Variants in GALNT5 observed in about 807,000 individuals in gnomAD.
GALNT5 encodes polypeptide N-acetylgalactosaminyltransferase 5, also known as UDP-GalNAc:polypeptide N-acetylgalactosaminyltransferase 5.
In GALNT5, 72 loss-of-function variants were observed where a neutral mutation model predicts 85.4. The ratio of observed to expected loss-of-function variants is 0.84; its 90% CI spans 0.70 to 1.03. The LOEUF (loss-of-function observed/expected upper bound fraction) is 1.03. Ranked by LOEUF, GALNT5 falls within the 50% of genes least tolerant of loss-of-function variation. The pLI is 0.00. For missense variants in GALNT5, 1,137 were observed against 1,135.5 expected (o/e 1.00, Z -0.02); for synonymous variants, 404 against 397.0 (o/e 1.02, Z -0.21).
At position 157,295,645 on chromosome 2, in the gene GALNT5, G is replaced by C; in HGVS notation, c.1742-18G>C. Reference sequence around the variant, plus strand: ...ATATCGTATTTTCTAAGTTTTTTGTGTGTGTTTGGCCCTCTAGGTGATGTG... The same window carrying C: ...ATATCGTATTTTCTAAGTTTTTTGTCTGTGTTTGGCCCTCTAGGTGATGTG... On this transcript the variant is annotated intron_variant, in intron 3 of 9. Transcript: ENST00000259056. 2 of 1,603,502 alleles carry C rather than the reference G, an allele frequency of 1.2e-6. No homozygotes were observed. Among genetic ancestry groups the C allele is most frequent in the Non-Finnish European group, 1.7e-6 (2 of 1,174,974 alleles).
intron 1 of GALNT5, among the ~76,000 whole-genome samples, chr2:157,261,455 C>T (rs1682338027): frequency 6.6e-6 from 1 of 152,142 alleles, no homozygotes; most frequent in African/African-American, 2.4e-5. Context: ...GAGGTTGTCC[C>T]AACTGTAGGA....
In GALNT5 at chr2:157,288,892, G is replaced by A. The variant is rs998206044; in HGVS notation, c.1741+2758G>A. Among the ~76,000 whole-genome samples the A allele has an allele frequency of 3.3e-5, 5 of 152,086 alleles. No individual in the cohort carries two copies. In the South Asian group the frequency reaches 6.2e-4, roughly 19 times the overall value. On this transcript the variant is annotated intron_variant, in intron 3 of 9. Coordinates refer to ENST00000259056, the MANE Select transcript of GALNT5 (RefSeq NM_014568.3). ...TCATCATAGATTGTGCACATGGAAC[G>A]TATAGGACTTGCCGTCAGATAAGAT...
rs201627774 is a variant in GALNT5 at position 157,311,380 on chromosome 2, A to G, written c.*32A>G. On this transcript the variant is annotated 3_prime_UTR_variant, in exon 10 of 10. Coordinates refer to ENST00000259056, the MANE Select transcript of GALNT5 (RefSeq NM_014568.3). Reference sequence around the variant, plus strand: ...ACTGATGTTTTTATATAGTAAACCCATTAAATACTGTGAAAATAACACTGA... The same window carrying G: ...ACTGATGTTTTTATATAGTAAACCCGTTAAATACTGTGAAAATAACACTGA... 2.0e-5 allele frequency: 27 copies of G among 1,381,382 alleles called. No individual in the cohort carries two copies. Among genetic ancestry groups the G allele is most frequent in the African/African-American group, 4.5e-5 (3 of 67,300 alleles). The allele number at this position is 1,381,382 out of a possible 1,614,324, so 85.6% of individuals were successfully genotyped here. A position where few individuals can be genotyped will look rare whatever the true frequency, so the allele number is the denominator to read the frequency against.
At chr2:157,283,674 G>A (rs1026591015) in intron 1 of GALNT5, among the ~76,000 whole-genome samples, 1 of 148,600 alleles carries the variant, frequency 6.7e-6, no homozygotes, top group African/African-American at 2.6e-5. Flanking sequence ...CAGTTGGAAA[G>A]GCAATCATAA....
Position 157,299,581 on chromosome 2 carries a change from T to G in GALNT5, c.2031T>G (p.Ile677Met). ...CPVMAGGLFSIDKSYFFELGT... is the reference protein window; with the variant it reads ...CPVMAGGLFSMDKSYFFELGT... ...TCATGGCTGGTGGATTGTTTTCTAT[T>G]GACAAAAGTTACTTTTTTGAACTTG... The change falls in exon 6 of 10, where the codon ATT becomes ATG. Residue 677 changes from isoleucine to methionine, a missense_variant. By Grantham distance (10) the Ile-to-Met change is conservative. Coordinates refer to ENST00000259056, the MANE Select transcript of GALNT5 (RefSeq NM_014568.3). The G allele has an allele frequency of 6.2e-7, 1 of 1,613,154 alleles. No homozygotes were observed. Among genetic ancestry groups the G allele is most frequent in the Non-Finnish European group, 8.5e-7 (1 of 1,179,184 alleles).
intron 7 of GALNT5, among the ~76,000 whole-genome samples, chr2:157,303,382 C>G (rs1473284215): frequency 6.6e-6 from 1 of 152,088 alleles, no homozygotes; most frequent in African/African-American, 2.4e-5. Flanking sequence ...TGGATTAAAC[C>G]GCTGGCAAAT....
At position 157,311,026 on chromosome 2, in the gene GALNT5, T is replaced by C. The variant is rs144326953; in HGVS notation, c.2683-182T>C. Among the ~76,000 whole-genome samples the C allele has an allele frequency of 8.3e-4, 127 of 152,332 alleles. 2 individuals carry two copies. The East Asian group carries it at 0.024, about 28-fold the overall frequency. On this transcript the variant is annotated intron_variant, in intron 9 of 9. Transcript: ENST00000259056. ...CTTGGTGGAGGATGATTACTTAGTCTGAGACAGAGACAAATTTAATACTTT... is the reference window on the plus strand; with the variant it reads ...CTTGGTGGAGGATGATTACTTAGTCCGAGACAGAGACAAATTTAATACTTT...
chr2:157,285,475 T>C (rs1203793892), intron 2 of GALNT5, among the ~76,000 whole-genome samples: 1 of 152,182 alleles, frequency 6.6e-6, no homozygotes. Context: ...CAGAAATGAC[T>C]GTAAGTCACA....
Position 157,317,922 on chromosome 2 carries a change from T to C in GALNT5, c.*6574T>C, listed in dbSNP as rs1371572210. Among the ~76,000 whole-genome samples, 3 of 152,154 alleles carry C rather than the reference T, an allele frequency of 2.0e-5. No individual in the cohort carries two copies. The highest frequency in any genetic ancestry group is 7.2e-5 in the African/African-American group (3 of 41,460). Reference sequence around the variant, plus strand: ...CATTGTCTTTAAACAATACTGAGTTTTGAAGTTAAGTAGAATATTGTAGGG... The same window carrying C: ...CATTGTCTTTAAACAATACTGAGTTCTGAAGTTAAGTAGAATATTGTAGGG... On this transcript the variant is annotated 3_prime_UTR_variant, in exon 10 of 10. Transcript: ENST00000259056.
Position 157,259,200 on chromosome 2 carries a change from C to G in GALNT5, c.1118C>G (p.Pro373Arg), listed in dbSNP as rs1410658300. The G allele has an allele frequency of 6.4e-7, 1 of 1,569,734 alleles. No homozygotes were observed. ...RSEMSSSSLA[P>R]HRVPLSQTNH... ...GAGATGTCTTCCTCTTCACTTGCTC[C>G]ACATAGAGTGCCACTGTCCCAAACT... Residue 373 changes from proline to arginine, a missense_variant, in exon 1 of 10, where the codon CCA becomes CGA. Pro to Arg is a moderately radical substitution (Grantham distance 103, BLOSUM62 -2). Coordinates refer to ENST00000259056, the MANE Select transcript of GALNT5 (RefSeq NM_014568.3).
chr2:157,269,572 T>C (rs183352103), intron 1 of GALNT5, among the ~76,000 whole-genome samples: 4 of 152,202 alleles, frequency 2.6e-5, no homozygotes, highest in African/African-American at 7.2e-5. Flanking sequence ...GAATCTCTCA[T>C]GATCTGCCCA....
intron 3 of GALNT5, among the ~76,000 whole-genome samples, chr2:157,291,612 AAC>A (rs1384908546): frequency 6.7e-6 from 1 of 150,270 alleles, no homozygotes; most frequent in Non-Finnish European, 1.5e-5. Flanking sequence ...TGGCACATTG[AAC>A]AGTTTTATGT....
In GALNT5 at chr2:157,259,631, T is replaced by C. The variant is rs1315609654; in HGVS notation, c.1454+95T>C. On this transcript the variant is annotated intron_variant, in intron 1 of 9. Coordinates refer to ENST00000259056, the MANE Select transcript of GALNT5 (RefSeq NM_014568.3). ...CTAGATAATTCTGTGTGATTTTTGGTCACCTAGAGAATTAAAGAAACATTA... is the reference window on the plus strand; with the variant it reads ...CTAGATAATTCTGTGTGATTTTTGGCCACCTAGAGAATTAAAGAAACATTA... 3 of 896,736 alleles carry C rather than the reference T, an allele frequency of 3.3e-6. No individual in the cohort carries two copies. In the African/African-American group the frequency reaches 5.2e-5, roughly 15 times the overall value. 55.5% of individuals were successfully genotyped at this position (896,736 alleles called of 1,614,324 possible).
intron 2 of GALNT5, 66 bp from the exon 3 acceptor site, chr2:157,285,949 C>T (rs1682959988): frequency 8.6e-7 from 1 of 1,168,672 alleles, no homozygotes; most frequent in South Asian, 1.4e-5. Context: ...CTTTGGGGAG[C>T]ACTTCTGATA....
At chr2:157,287,800 C>A (rs1319973533) in intron 3 of GALNT5, among the ~76,000 whole-genome samples, 3 of 152,176 alleles carry the variant, frequency 2.0e-5, no homozygotes, top group Non-Finnish European at 4.4e-5. Context: ...CATGTTCATA[C>A]ATTTCTATGG....
intron 3 of GALNT5, 114 bp downstream of exon 3, chr2:157,286,248 T>C: frequency 1.3e-6 from 1 of 764,242 alleles, no homozygotes; most frequent in Admixed American, 2.6e-5. Flanking sequence ...ATGCATCACT[T>C]AGTTCCATCA....
At position 157,258,102 on chromosome 2, in the gene GALNT5, T is replaced by C; in HGVS notation, c.20T>C (p.Phe7Ser). 1 of 1,613,792 alleles carries C rather than the reference T, an allele frequency of 6.2e-7. No homozygotes were observed. Residue 7 changes from phenylalanine to serine, a missense_variant, in exon 1 of 10, where the codon TTT (phenylalanine) becomes TCT (serine). Phe to Ser is a radical substitution (Grantham distance 155). Coordinates refer to ENST00000259056, the MANE Select transcript of GALNT5 (RefSeq NM_014568.3). ...TGTACCATGAACAGGATCCGAAAGT[T>C]TTTCCGAGGAAGTGGGCGAGTCTTG... MNRIRK[F>S]FRGSGRVLAF...
intron 1 of GALNT5, among the ~76,000 whole-genome samples, chr2:157,262,977 G>A (rs1457201157): frequency 4.0e-5 from 6 of 151,056 alleles, no homozygotes; most frequent in South Asian, 2.1e-4. Flanking sequence ...ACAGGCACCC[G>A]CCACCATGCC....
At chr2:157,288,940 CA>C (rs994023098) in intron 3 of GALNT5, among the ~76,000 whole-genome samples, 1 of 152,206 alleles carries the variant, frequency 6.6e-6, no homozygotes, top group East Asian at 1.9e-4. Flanking sequence ...AGAATGACAC[CA>C]ATCAGAAACA....
Sources: allele counts gnomAD v4.1 joint callset (sites outside exome capture counted in the v4.1 genomes callset), GRCh38; gene constraint gnomAD v4.1.1; transcripts MANE v1.5; gene names NCBI Gene and HGNC (gene_info 2026-07-23, HGNC 2026-07-21).